Variants in FN1 observed in about 807,000 individuals in gnomAD.
The protein encoded by FN1 is fibronectin 1.
Under a neutral mutation model 297.3 loss-of-function variants are expected in FN1, and 106 were observed. The observed-to-expected ratio is 0.36, with a 90% CI of 0.30 to 0.42. FN1 has a LOEUF of 0.42. FN1 is among the 10% of genes least tolerant of loss of function. The pLI, the probability that FN1 is intolerant of heterozygous loss-of-function variation, is 1.00. For missense variants in FN1, 2,690 were observed against 3,124.9 expected (o/e 0.86, Z 3.32); for synonymous variants, 1,149 against 1,152.6 (o/e 1.00, Z 0.06).
At chr2:215,426,524 C>A (rs901749872) in intron 6 of FN1, among the ~76,000 whole-genome samples, 2 of 152,146 alleles carry the variant, frequency 1.3e-5, no homozygotes, top group African/African-American at 4.8e-5. Context: ...AGGGCTGAGG[C>A]TAGACCAAAG....
In FN1 at chr2:215,372,042, G is replaced by T. The variant is rs576918048; in HGVS notation, c.6581C>A (p.Pro2194Gln). The T allele has an allele frequency of 1.9e-6, 3 of 1,614,040 alleles. No individual in the cohort carries two copies. In the African/African-American group the frequency reaches 4.0e-5, roughly 22 times the overall value. ...DVDYHLYPHGPGLNPNASTGQ... is the reference protein window; with the variant it reads ...DVDYHLYPHGQGLNPNASTGQ... ...TGTAGAGGCATTTGGATTGAGTCCCGGACCGTGTGGGTACAGGTGATAGTC... is the reference window on the plus strand; with the variant it reads ...TGTAGAGGCATTTGGATTGAGTCCCTGACCGTGTGGGTACAGGTGATAGTC... Residue 2194 changes from proline to glutamine, a missense_variant, in exon 40 of 46, where the codon CCG (proline) becomes CAG (glutamine). Physicochemically the swap from Pro to Gln is moderately conservative, Grantham distance 76. Around this residue, in one of 3 missense-constraint regions of FN1, gnomAD observed 1,743 missense variants for 1,945.2 expected, o/e 0.90. Coordinates refer to ENST00000354785, the MANE Select transcript of FN1 (RefSeq NM_212482.4).
chr2:215,389,152 G>A (rs748681704), intron 26 of FN1, among the ~76,000 whole-genome samples: 6 of 151,892 alleles, frequency 4.0e-5, no homozygotes, highest in East Asian at 1.9e-4. Context: ...TGCCCAGGCC[G>A]GAGTGCAGTG....
At position 215,408,367 on chromosome 2, in the gene FN1, T is replaced by C. The variant is rs530514393; in HGVS notation, c.2359A>G (p.Ile787Val). The C allele has an allele frequency of 6.2e-7, 1 of 1,614,100 alleles. No individual in the cohort carries two copies. Among genetic ancestry groups the C allele is most frequent in the African/African-American group, 1.3e-5 (1 of 75,042 alleles). Residue 787 changes from isoleucine to valine, a missense_variant, in exon 16 of 46, where the codon ATT (isoleucine) becomes GTT (valine). By Grantham distance (29) the Ile-to-Val change is conservative (BLOSUM62 3). Around this residue, in one of 3 missense-constraint regions of FN1, gnomAD observed 876 missense variants for 1,058.1 expected, o/e 0.83. Transcript: ENST00000354785. ...TCAGATATCTGATAGACATTTACAA[T>C]GTATTTTCGGCCAGGAAGCAGGTCA... The part of the protein sequence containing the change: ...IPDLLPGRKY[I>V]VNVYQISEDG...
chr2:215,390,029 C>T (rs1454093915), intron 26 of FN1, among the ~76,000 whole-genome samples: 2 of 152,202 alleles, frequency 1.3e-5, no homozygotes, highest in African/African-American at 2.4e-5. Context: ...TTCCCCTGCA[C>T]ACCATTTGCC....
intron 13 of FN1, among the ~76,000 whole-genome samples, chr2:215,414,349 T>C (rs1249310954): frequency 6.6e-6 from 1 of 152,172 alleles, no homozygotes; most frequent in Non-Finnish European, 1.5e-5. Flanking sequence ...TTTCCTTCTA[T>C]CTAAATAAAT....
chr2:215,428,101 G>A, intron 6 of FN1, 79 bp downstream of exon 6: 1 of 1,527,712 alleles, frequency 6.5e-7, no homozygotes, highest in Non-Finnish European at 9.1e-7. Context: ...CAAATGGCAT[G>A]TCAAAGGAAA....
intron 20 of FN1, among the ~76,000 whole-genome samples, chr2:215,401,239 A>AAGG (rs1559475259): frequency 4.6e-5 from 3 of 65,598 alleles, no homozygotes; most frequent in Non-Finnish European, 6.7e-5. Flanking sequence ...AGAAAGAAAG[A>AAGG]AAGAAAGAAA....
At chr2:215,390,636 CA>C (rs1298590525) in intron 26 of FN1, among the ~76,000 whole-genome samples, 1 of 152,270 alleles carries the variant, frequency 6.6e-6, no homozygotes, top group South Asian at 2.1e-4. Context: ...CATTGTGATG[CA>C]GGGGCTTGTA....
chr2:215,375,593 A>C, intron 37 of FN1, 36 bp downstream of exon 37: 2 of 1,445,772 alleles, frequency 1.4e-6, no homozygotes, highest in Non-Finnish European at 1.9e-6. Context: ...ATTGCATACA[A>C]GTCAATGGCA....
At chr2:215,430,954 A>T (rs2066407117) in intron 4 of FN1, 102 bp from the exon 5 acceptor site, 2 of 1,266,656 alleles carry the variant, frequency 1.6e-6, no homozygotes, top group Non-Finnish European at 2.3e-6. Flanking sequence ...ATTCAGCCAC[A>T]TTTTTTTTAA....
At chr2:215,390,594 AGC>A (rs1200903361) in intron 26 of FN1, among the ~76,000 whole-genome samples, 1 of 152,180 alleles carries the variant, frequency 6.6e-6, no homozygotes, top group Non-Finnish European at 1.5e-5. Flanking sequence ...ACACATGATT[AGC>A]ATGTGACAGG....
At chr2:215,421,188 T>C (rs942487704) in intron 10 of FN1, 2 of 315,444 alleles carry the variant, frequency 6.3e-6, no homozygotes, top group Admixed American at 9.1e-5. Flanking sequence ...AGATTAAACA[T>C]ATTTATCTAA....
At chr2:215,382,819 C>G (rs1189858963) in intron 31 of FN1, among the ~76,000 whole-genome samples, 1 of 152,056 alleles carries the variant, frequency 6.6e-6, no homozygotes, top group Non-Finnish European at 1.5e-5. Context: ...CAGAAATGCA[C>G]TTAAGACTTC....
intron 12 of FN1, among the ~76,000 whole-genome samples, chr2:215,417,283 A>G (rs145127367): frequency 2.0e-4 from 30 of 152,320 alleles, no homozygotes; most frequent in African/African-American, 7.0e-4. Flanking sequence ...TAAACTAACA[A>G]TAAAATAGTT....
At chr2:215,372,557 C>G in intron 39 of FN1, 182 bp from the exon 40 acceptor site, 1 of 642,216 alleles carries the variant, frequency 1.6e-6, no homozygotes, top group Non-Finnish European at 2.8e-6. Flanking sequence ...GGATTTTTCT[C>G]AAAGGTTTCT....
At chr2:215,418,577 A>G (rs2063753896) in intron 12 of FN1, among the ~76,000 whole-genome samples, 1 of 152,186 alleles carries the variant, frequency 6.6e-6, no homozygotes, top group Admixed American at 6.5e-5. Flanking sequence ...AACATGTTTT[A>G]TTATAATCAC....
intron 5 of FN1, among the ~76,000 whole-genome samples, chr2:215,429,173 G>A (rs1321104148): frequency 6.6e-6 from 1 of 152,202 alleles, no homozygotes; most frequent in African/African-American, 2.4e-5. Flanking sequence ...TGTAAAAAAT[G>A]TAGAGGATGC....
At position 215,397,751 on chromosome 2, in the gene FN1, T is replaced by C. The variant is rs1416368421; in HGVS notation, c.3446A>G (p.Tyr1149Cys). ...VVSGLTPGVEYVYTIQVLRDG... is the reference protein window; with the variant it reads ...VVSGLTPGVECVYTIQVLRDG... ...TCTCAGGACTTGGATGGTGTAGACGTATTCTACTCCTGGAGTCAAGCCGGA... is the reference window on the plus strand; with the variant it reads ...TCTCAGGACTTGGATGGTGTAGACGCATTCTACTCCTGGAGTCAAGCCGGA... Residue 1149 changes from tyrosine to cysteine, a missense_variant, in exon 22 of 46, where the codon TAC (tyrosine) becomes TGC (cysteine). By Grantham distance (194) the Tyr-to-Cys change is radical. This residue lies in a region of FN1 where 1,743 missense variants were observed against 1,945.2 expected (regional missense o/e 0.90). Transcript: ENST00000354785. The C allele has an allele frequency of 1.2e-6, 2 of 1,613,638 alleles. No individual in the cohort carries two copies.
At chr2:215,363,970 G>C (rs1332744202) in intron 44 of FN1, among the ~76,000 whole-genome samples, 1 of 152,120 alleles carries the variant, frequency 6.6e-6, no homozygotes. Flanking sequence ...GCCCACCTGG[G>C]CCAGCTCCTT....
Sources: gnomAD v4.1 joint callset for allele counts (sites outside exome capture counted in the v4.1 genomes callset) on GRCh38, gnomAD v4.1.1 for gene constraint, gnomAD v4.1.1 regional missense constraint, MANE v1.5 for transcripts, NCBI Gene and HGNC (gene_info 2026-07-23, HGNC 2026-07-21) for gene names.